Variants in IFT140 observed in about 807,000 individuals in gnomAD.
IFT140 encodes intraflagellar transport protein 140 homolog.
IFT140 carries 133 observed loss-of-function variants against 164.6 expected under a neutral mutation model. That is an observed-to-expected ratio of 0.81 (90% CI 0.70 to 0.93). The LOEUF (loss-of-function observed/expected upper bound fraction) is 0.93. IFT140 is among the 40% of genes least tolerant of loss of function. IFT140 has a pLI of 0.00. For synonymous variants in IFT140, 860 were observed against 817.3 expected, an observed-to-expected ratio of 1.05 and a Z score of -0.89; for missense variants, 2,045 against 1,972.3, an observed-to-expected ratio of 1.04 and a Z score of -0.70.
chr16:1,584,151 T>C (rs777511029), intron 11 of IFT140, 66 bp downstream of exon 11: 109 of 1,463,178 alleles, frequency 7.4e-5, no homozygotes, highest in Non-Finnish European at 9.8e-5. Flanking sequence ...CTTGCTGCCC[T>C]GAACTACCTG....
rs2141175146 is a variant in IFT140 at position 1,525,277 on chromosome 16, C to T, written c.2818G>A (p.Glu940Lys). 1 of 1,613,044 alleles carries T rather than the reference C, an allele frequency of 6.2e-7. No homozygotes were observed. The highest frequency in any genetic ancestry group is 8.5e-7 in the Non-Finnish European group (1 of 1,179,992). ...HRFEVPRMLS[E>K]DLPSLELYVN... ...TAGAGCTCCAGGGACGGCAGGTCCT[C>T]CGACAGCATCCTGGGCACCTCGAAG... The change falls in exon 22 of 31, where the codon GAG (glutamate) becomes AAG (lysine). Residue 940 changes from glutamate (E) to lysine (K), a missense_variant. Physicochemically the swap from Glu to Lys is moderately conservative, Grantham distance 56. Coordinates refer to ENST00000426508, the MANE Select transcript of IFT140 (RefSeq NM_014714.4).
rs8050974 is a variant in IFT140 at position 1,568,305 on chromosome 16, C to A, written c.1682G>T (p.Ser561Ile). Residue 561 changes from serine to isoleucine, a missense_variant, in exon 15 of 31, where the codon AGC (serine) becomes ATC (isoleucine). By Grantham distance (142) the Ser-to-Ile change is moderately radical. Coordinates refer to ENST00000426508, the MANE Select transcript of IFT140 (RefSeq NM_014714.4). The stretch of plus-strand genomic sequence containing the variant: ...CACCCCAGGGACCAGCTCCGCCAGG[C>A]TCCTGCAGCTACAGTGTGCTTTGGC... ...REAKAHCSCR[S>I]LAELVPGVGG... is the part of the protein sequence containing the mutation. 1 of 1,613,818 alleles carries A rather than the reference C, an allele frequency of 6.2e-7. No homozygotes were observed. The highest frequency in any genetic ancestry group is 1.7e-5 in the Admixed American group (1 of 60,032).
chr16:1,546,829 G>A (rs1212496316), intron 19 of IFT140, among the ~76,000 whole-genome samples: 1 of 152,222 alleles, frequency 6.6e-6, no homozygotes, highest in Non-Finnish European at 1.5e-5. Context: ...TCTGTACTTG[G>A]GTTGAGTCAT....
At chr16:1,536,228 C>G (rs990331579) in intron 19 of IFT140, among the ~76,000 whole-genome samples, 6 of 152,256 alleles carry the variant, frequency 3.9e-5, no homozygotes, top group African/African-American at 1.4e-4. Flanking sequence ...GCGCCCCTCC[C>G]TGTTGCTACC....
At chr16:1,598,603 G>A (rs2035584659) in intron 4 of IFT140, among the ~76,000 whole-genome samples, 1 of 152,258 alleles carries the variant, frequency 6.6e-6, no homozygotes, top group Non-Finnish European at 1.5e-5. Context: ...ACTTTCCTGA[G>A]CAGTTCTGCT....
chr16:1,548,206 G>A (rs1287110736), intron 19 of IFT140, among the ~76,000 whole-genome samples: 7 of 152,270 alleles, frequency 4.6e-5, no homozygotes, highest in South Asian at 4.1e-4. Context: ...CCAGGGGGCC[G>A]TCTGCTCCGC....
In IFT140 at chr16:1,533,912, ACT is replaced by A. The variant is rs1432730167; in HGVS notation, c.2400-7118_2400-7117del. 7 of 305,616 alleles carry A rather than the reference ACT, an allele frequency of 2.3e-5. No homozygotes were observed. Among genetic ancestry groups the A allele is most frequent in the Non-Finnish European group, 4.3e-5 (7 of 164,204 alleles). The allele number at this position is 305,616 out of a possible 1,614,324, so 18.9% of individuals were successfully genotyped here. On this transcript the variant is annotated intron_variant, in intron 19 of 30. Transcript: ENST00000426508. This position sits in a 1 kb window ranked among gnomAD's most constrained non-coding sequence, Gnocchi z 4.7. Reference sequence around the variant, plus strand: ...CCCACTGCTGCCGGCCTCCCGAGTGACTCTGTTTTCCACTGCTGCAGGCGAGA... The same window carrying A: ...CCCACTGCTGCCGGCCTCCCGAGTGACTGTTTTCCACTGCTGCAGGCGAGA...
In IFT140 at chr16:1,511,958, C is replaced by T. The variant is rs534217805; in HGVS notation, c.4183-808G>A. On this transcript the variant is annotated intron_variant, in intron 30 of 30. Transcript: ENST00000426508. ...ACAGGGAGGGAGAGAGAGGAAGGAG[C>T]TGACCAGGGTCGAAGAGGGACCCTG... 2.0e-5 allele frequency among the ~76,000 whole-genome samples: 3 copies of T among 151,634 alleles called. No individual in the cohort carries two copies. The East Asian group carries it at 5.8e-4, about 29-fold the overall frequency.
Position 1,602,424 on chromosome 16 carries a change from G to C in IFT140, c.315C>G (p.Asp105Glu), listed in dbSNP as rs772739900. Residue 105 changes from aspartate (D) to glutamate (E), a missense_variant, in exon 4 of 31, where the codon GAC becomes GAG. Asp to Glu is a conservative substitution (Grantham distance 45). Coordinates refer to ENST00000426508, the MANE Select transcript of IFT140 (RefSeq NM_014714.4). ...QHTMPLTHTA[D>E]ITVLRWSPSG... ...TGGGGCTCCAACGGAGCACGGTGAT[G>C]TCGGCTGTGTGTGTCAGGGGCATCG... is the stretch of plus-strand genomic sequence containing the variant. The C allele has an allele frequency of 6.2e-7, 1 of 1,614,256 alleles. No individual in the cohort carries two copies. Among genetic ancestry groups the C allele is most frequent in the Non-Finnish European group, 8.5e-7 (1 of 1,180,044 alleles).
rs771261996 is a variant in IFT140 at position 1,525,245 on chromosome 16, A to T, written c.2850T>A (p.Asn950Lys). Residue 950 changes from asparagine (N) to lysine (K), a missense_variant, in exon 22 of 31, where the codon AAT becomes AAA. Coordinates refer to ENST00000426508, the MANE Select transcript of IFT140 (RefSeq NM_014714.4). Reference sequence around the variant, plus strand: ...GGGACACTCACTTATCCTTCATTTTATTCACGTAGAGCTCCAGGGACGGCA... The same window carrying T: ...GGGACACTCACTTATCCTTCATTTTTTTCACGTAGAGCTCCAGGGACGGCA... ...EDLPSLELYV[N>K]KMKDKTLWRW... 2 of 1,611,948 alleles carry T rather than the reference A, an allele frequency of 1.2e-6. No individual in the cohort carries two copies. The highest frequency in any genetic ancestry group is 2.2e-5 in the South Asian group (2 of 91,064).
chr16:1,566,695 GCCAGCCCCTGCCTCCTC>G (rs2033736944), intron 15 of IFT140, among the ~76,000 whole-genome samples: 4 of 152,028 alleles, frequency 2.6e-5, no homozygotes, highest in Admixed American at 2.6e-4. Flanking sequence ...GGCCCCTTCT[GCCAGCCCCTGCCTCCTC>G]CCAGCCCCGT....
intron 19 of IFT140, among the ~76,000 whole-genome samples, chr16:1,528,304 C>G (rs1431422338): frequency 1.6e-5 from 2 of 127,408 alleles, no homozygotes; most frequent in African/African-American, 6.7e-5. Flanking sequence ...CCACCAAAGC[C>G]ACACACACAC....
At chr16:1,577,009 T>C (rs1216805910) in intron 13 of IFT140, 1 of 152,158 alleles carries the variant, frequency 6.6e-6, no homozygotes, top group Non-Finnish European at 1.5e-5. Context: ...TCCAGCAAAA[T>C]GCACATCACA....
At chr16:1,512,025 T>C (rs8048290) in intron 30 of IFT140, among the ~76,000 whole-genome samples, 54,229 of 148,990 alleles carry the variant, frequency 0.36, 12,126 homozygotes, top group African/African-American at 0.63. Context: ...CAGGGCCTGG[T>C]GCGTGTGACT....
rs548052512 is a variant in IFT140 at position 1,553,767 on chromosome 16, T to C, written c.2399+4168A>G. 7 of 1,174,434 alleles carry C rather than the reference T, an allele frequency of 6.0e-6. No individual in the cohort carries two copies. The highest frequency in any genetic ancestry group is 5.9e-5 in the East Asian group (1 of 17,022). 72.8% of individuals were successfully genotyped at this position (1,174,434 alleles called of 1,614,324 possible). On this transcript the variant is annotated intron_variant, in intron 19 of 30. Transcript: ENST00000426508. This position sits in a 1 kb window ranked among gnomAD's most constrained non-coding sequence, Gnocchi z 4.4. Reference sequence around the variant, plus strand: ...TAGGGGATGAGGAGGGGCAGGGCCATGTGGACAGCCTCTCCTCCATCCTAG... The same window carrying C: ...TAGGGGATGAGGAGGGGCAGGGCCACGTGGACAGCCTCTCCTCCATCCTAG...
At chr16:1,512,878 G>C (rs1261810450) in intron 30 of IFT140, 1 of 152,278 alleles carries the variant, frequency 6.6e-6, no homozygotes, top group Non-Finnish European at 1.5e-5. Flanking sequence ...TCAGTGAATG[G>C]AAGTGGAACG....
chr16:1,597,328 T>C (rs927075074), intron 4 of IFT140, among the ~76,000 whole-genome samples: 1 of 152,184 alleles, frequency 6.6e-6, no homozygotes, highest in Non-Finnish European at 1.5e-5. Flanking sequence ...TTACTGCTGA[T>C]TGGTGCACTG....
In IFT140 at chr16:1,568,318, A is replaced by T. The variant is rs760342496; in HGVS notation, c.1669T>A (p.Cys557Ser). The change falls in exon 15 of 31, where the codon TGT (cysteine) becomes AGT (serine). Residue 557 changes from cysteine (C) to serine (S), a missense_variant. Physicochemically the swap from Cys to Ser is moderately radical, Grantham distance 112. Transcript: ENST00000426508. ...AGCTCCGCCAGGCTCCTGCAGCTACAGTGTGCTTTGGCCTCTCTGCAGGGA... is the reference window on the plus strand; with the variant it reads ...AGCTCCGCCAGGCTCCTGCAGCTACTGTGTGCTTTGGCCTCTCTGCAGGGA... ...DLSRREAKAH[C>S]SCRSLAELVP... The T allele has an allele frequency of 2.5e-6, 4 of 1,613,744 alleles. No individual in the cohort carries two copies. Among genetic ancestry groups the T allele is most frequent in the Non-Finnish European group, 3.4e-6 (4 of 1,179,970 alleles).
chr16:1,563,443 A>ACTCCGT (rs1371354419), intron 17 of IFT140, among the ~76,000 whole-genome samples: 146 of 151,170 alleles, frequency 9.7e-4, no homozygotes, highest in African/African-American at 3.4e-3. Context: ...ACAGAGAGAG[A>ACTCCGT]CTCAAAAAAC....
Sources: allele counts gnomAD v4.1 joint callset (sites outside exome capture counted in the v4.1 genomes callset), GRCh38; gene constraint gnomAD v4.1.1; non-coding constraint Gnocchi (gnomAD v3.1); transcripts MANE v1.5; gene names NCBI Gene and HGNC (gene_info 2026-07-23, HGNC 2026-07-21).